PTPRD: variants seen among roughly 807,000 people sequenced by gnomAD.
The protein encoded by PTPRD is protein tyrosine phosphatase receptor type D.
PTPRD carries 34 observed loss-of-function variants against 214.5 expected under a neutral mutation model. The ratio of observed to expected loss-of-function variants is 0.16; its 90% CI spans 0.12 to 0.21. PTPRD has a LOEUF of 0.21. Ranked by LOEUF, PTPRD falls within the 10% of genes least tolerant of loss-of-function variation. PTPRD has a pLI of 1.00. For missense variants in PTPRD, 2,545 were observed against 2,398.7 expected (o/e 1.06, Z -1.27); for synonymous variants, 1,128 against 845.7 (o/e 1.33, Z -5.79).
intron 7 of PTPRD, among the ~76,000 whole-genome samples, chr9:9,672,760 G>T (rs955486291): frequency 1.3e-5 from 2 of 152,024 alleles, no homozygotes; most frequent in African/African-American, 4.8e-5. Flanking sequence ...AAAAAAATTA[G>T]TGATGTATGA....
intron 12 of PTPRD, among the ~76,000 whole-genome samples, chr9:8,674,947 T>C (rs1039114440): frequency 6.6e-6 from 1 of 152,368 alleles, no homozygotes; most frequent in South Asian, 2.1e-4. Context: ...AAATAGCATT[T>C]AATCTCCAAT....
intron 11 of PTPRD, among the ~76,000 whole-genome samples, chr9:8,980,426 T>C (rs185286986): frequency 2.6e-5 from 4 of 152,254 alleles, no homozygotes; most frequent in Admixed American, 1.3e-4. Context: ...ATGATAGATA[T>C]GTTAATCTGC....
intron 27 of PTPRD, among the ~76,000 whole-genome samples, chr9:8,491,814 G>C (rs2097156936): frequency 6.6e-6 from 1 of 152,126 alleles, no homozygotes; most frequent in Non-Finnish European, 1.5e-5. Flanking sequence ...GCACGCAGGA[G>C]GGCACTCAAC....
chr9:10,280,153 A>AT (rs934125045), intron 3 of PTPRD, among the ~76,000 whole-genome samples: 50 of 142,636 alleles, frequency 3.5e-4, no homozygotes, highest in Non-Finnish European at 5.0e-4. Flanking sequence ...AAAAGCCTAG[A>AT]TTTTTTTTGA....
chr9:8,534,910 A>G (rs1298817488), intron 14 of PTPRD, among the ~76,000 whole-genome samples: 1 of 151,954 alleles, frequency 6.6e-6, no homozygotes, highest in Admixed American at 6.6e-5. Context: ...TATTAGTTCT[A>G]AAAACCTACC....
intron 11 of PTPRD, among the ~76,000 whole-genome samples, chr9:8,953,410 A>G (rs539396386): frequency 6.6e-6 from 1 of 152,012 alleles, no homozygotes; most frequent in African/African-American, 2.4e-5. Flanking sequence ...AGAACCTAGG[A>G]AATAAATACC....
chr9:9,203,417 T>G (rs898072950), intron 9 of PTPRD, among the ~76,000 whole-genome samples: 50 of 152,176 alleles, frequency 3.3e-4, no homozygotes, highest in Non-Finnish European at 2.4e-4. Context: ...TTACCACATA[T>G]CCCATAGGAA....
chr9:9,218,636 C>T (rs1481442470), intron 9 of PTPRD, among the ~76,000 whole-genome samples: 4 of 152,056 alleles, frequency 2.6e-5, no homozygotes, highest in African/African-American at 9.7e-5. Context: ...CTGGTGAGCA[C>T]TGTAACTAAA....
intron 10 of PTPRD, among the ~76,000 whole-genome samples, chr9:9,062,057 A>G (rs749254768): frequency 6.6e-6 from 1 of 152,172 alleles, no homozygotes; most frequent in Admixed American, 6.5e-5. Flanking sequence ...GCCCTTTCTC[A>G]TAAAATTAAC....
chr9:8,817,546 G>A (rs537142075), intron 11 of PTPRD, among the ~76,000 whole-genome samples: 2 of 152,212 alleles, frequency 1.3e-5, no homozygotes, highest in East Asian at 3.9e-4. Flanking sequence ...TACAAAGATT[G>A]CTTGAGCTCA....
At chr9:8,931,692 G>A (rs549451499) in intron 11 of PTPRD, among the ~76,000 whole-genome samples, 1 of 152,256 alleles carries the variant, frequency 6.6e-6, no homozygotes, top group South Asian at 2.1e-4. Flanking sequence ...ATGAGTTAGG[G>A]AGGAGTCTCT....
intron 5 of PTPRD, among the ~76,000 whole-genome samples, chr9:9,921,380 A>G (rs1011926971): frequency 6.6e-6 from 1 of 152,056 alleles, no homozygotes; most frequent in African/African-American, 2.4e-5. Context: ...TGTGTCCTTA[A>G]TTCATTCCTA....
At chr9:8,906,395 C>T (rs1277289349) in intron 11 of PTPRD, among the ~76,000 whole-genome samples, 1 of 152,116 alleles carries the variant, frequency 6.6e-6, no homozygotes, top group African/African-American at 2.4e-5. Flanking sequence ...CATTTTTCAT[C>T]AGTGTAACTT....
intron 3 of PTPRD, among the ~76,000 whole-genome samples, chr9:10,153,986 T>C (rs2099078129): frequency 1.3e-5 from 2 of 152,208 alleles, no homozygotes; most frequent in Non-Finnish European, 2.9e-5. Context: ...ATTTATAATG[T>C]TGAGGGTATA....
intron 5 of PTPRD, among the ~76,000 whole-genome samples, chr9:9,804,073 A>G (rs1321442023): frequency 6.6e-6 from 1 of 151,978 alleles, no homozygotes; most frequent in African/African-American, 2.4e-5. Flanking sequence ...TTTTTCTTTT[A>G]ATACACAAAG....
At chr9:9,036,209 T>TAAA (rs34390768) in intron 10 of PTPRD, among the ~76,000 whole-genome samples, 162 of 141,152 alleles carry the variant, frequency 1.1e-3, no homozygotes, top group African/African-American at 3.8e-3. Flanking sequence ...TTCAGAAAAT[T>TAAA]AAAAAAAAAA....
At chr9:8,925,141 C>T (rs1002927198) in intron 11 of PTPRD, among the ~76,000 whole-genome samples, 1 of 152,058 alleles carries the variant, frequency 6.6e-6, no homozygotes, top group African/African-American at 2.4e-5. Flanking sequence ...ATTATATTTC[C>T]TCTGTGTAAT....
intron 10 of PTPRD, among the ~76,000 whole-genome samples, chr9:9,057,063 G>A (rs569133509): frequency 1.1e-4 from 17 of 152,182 alleles, no homozygotes; most frequent in African/African-American, 3.6e-4. Flanking sequence ...ATGATTAAAT[G>A]CCCATGAGAA....
At chr9:8,554,085 G>A (rs2082959115) in intron 14 of PTPRD, among the ~76,000 whole-genome samples, 1 of 152,164 alleles carries the variant, frequency 6.6e-6, no homozygotes, top group Admixed American at 6.5e-5. Context: ...CTACTTGGAA[G>A]GCTGAGGCAG....
Sources: allele counts gnomAD v4.1 joint callset (sites outside exome capture counted in the v4.1 genomes callset), GRCh38; gene constraint gnomAD v4.1.1; transcripts MANE v1.5; gene names NCBI Gene and HGNC (gene_info 2026-07-23, HGNC 2026-07-21).